The following PCDHA9 variants were observed in gnomAD, a reference collection of about 807,000 sequenced individuals.
PCDHA9 encodes protocadherin alpha 9.
A neutral mutation model predicts 62.0 loss-of-function variants in PCDHA9; 62 were observed. The ratio of observed to expected loss-of-function variants is 1.00; its 90% confidence interval spans 0.81 to 1.23. The LOEUF is 1.23. Among genes scored for constraint, PCDHA9 ranks in the 50% most tolerant of loss-of-function variants. The probability of loss-of-function intolerance (pLI) is 0.00; values close to 1 mark genes in which losing one functional copy is unlikely to be tolerated. For synonymous variants in PCDHA9, 557 were observed against 567.6 expected (o/e 0.98, Z 0.27); for missense variants, 1,205 against 1,249.8 (o/e 0.96, Z 0.54).
chr5:140,863,854 A>T (rs984993232), intron 1 of PCDHA9: 2 of 177,552 alleles, frequency 1.1e-5, no homozygotes, highest in Admixed American at 1.1e-4. Context: ...TAAAAAAATT[A>T]GCTGGGTGTG....
chr5:140,968,597 G>T, intron 1 of PCDHA9: 1 of 1,614,176 alleles, frequency 6.2e-7, no homozygotes, highest in Non-Finnish European at 8.5e-7. Context: ...CATAGCTATG[G>T]ACTCAGACTC....
At chr5:140,859,740 G>A (rs2045997689) in intron 1 of PCDHA9, 1 of 154,064 alleles carries the variant, frequency 6.5e-6, no homozygotes. Flanking sequence ...ATTTAAGCAT[G>A]GCATTCTTTC....
chr5:141,008,430 GC>G (rs1252417058), intron 3 of PCDHA9, among the ~76,000 whole-genome samples: 2 of 152,260 alleles, frequency 1.3e-5, no homozygotes, highest in African/African-American at 4.8e-5. Context: ...GGATCACTTT[GC>G]CCAGACAGAC....
Position 140,946,631 on chromosome 5 carries a change from T to TATATATATATATATATATATATATAC in PCDHA9, c.2395-32317_2395-32316insTATATATATATATATATATATATACA, listed in dbSNP as rs57893927. ...TGTGAAATATATATATATATATATA[T>TATATATATATATATATATATATATAC]ACAATGGAATACTCATCAGCCATTA... On this transcript the variant is annotated intron_variant, in intron 1 of 3. Coordinates refer to ENST00000532602, the MANE Select transcript of PCDHA9 (RefSeq NM_031857.2). 3.1e-3 allele frequency among the ~76,000 whole-genome samples: 414 copies of TATATATATATATATATATATATATAC among 131,704 alleles called. 27 individuals carry two copies. Among genetic ancestry groups the TATATATATATATATATATATATATAC allele is most frequent in the African/African-American group, 0.013 (382 of 28,586 alleles). 86.4% of individuals were successfully genotyped at this position (131,704 alleles called of 152,430 possible). A position where few individuals can be genotyped will look rare whatever the true frequency, so the allele number is the denominator to read the frequency against.
intron 1 of PCDHA9, chr5:140,853,431 T>A (rs115944296): frequency 0.015 from 15,010 of 985,262 alleles, 1,430 homozygotes; most frequent in Non-Finnish European, 0.017. Context: ...AGAGACACTT[T>A]CCTATTTTGC....
rs782810123 is a variant in PCDHA9, at chr5:140,876,271, T to C, written c.2394+25382T>C. 1.9e-6 allele frequency: 3 copies of C among 1,613,926 alleles called. No individual in the cohort carries two copies. In the African/African-American group the frequency reaches 4.0e-5, roughly 22 times the overall value. On this transcript the variant is annotated intron_variant, in intron 1 of 3. Coordinates refer to ENST00000532602, the MANE Select transcript of PCDHA9 (RefSeq NM_031857.2). ...CACAAGAGTGATCCAACTAAATGCTTCCGATCCAGACGAAGGACTTAATGG... is the reference window on the plus strand; with the variant it reads ...CACAAGAGTGATCCAACTAAATGCTCCCGATCCAGACGAAGGACTTAATGG...
chr5:140,856,518 C>T, intron 1 of PCDHA9: 1 of 1,598,510 alleles, frequency 6.3e-7, no homozygotes, highest in Non-Finnish European at 8.6e-7. Flanking sequence ...GAAGGCGCAT[C>T]TGATGCGGAT....
intron 1 of PCDHA9, chr5:140,877,223 C>G: frequency 6.2e-7 from 1 of 1,613,714 alleles, no homozygotes; most frequent in Non-Finnish European, 8.5e-7. Flanking sequence ...GTACCGCGGT[C>G]GGTGGGTGCG....
intron 1 of PCDHA9, among the ~76,000 whole-genome samples, chr5:140,934,664 T>G (rs1268113575): frequency 1.3e-5 from 2 of 152,176 alleles, no homozygotes; most frequent in Admixed American, 6.5e-5. Flanking sequence ...TCTTCCCCTT[T>G]GTTTAGCAGT....
intron 3 of PCDHA9, among the ~76,000 whole-genome samples, chr5:140,983,987 C>T (rs1372272659): frequency 6.6e-6 from 1 of 152,126 alleles, no homozygotes; most frequent in East Asian, 1.9e-4. Context: ...CGAGTTGAAG[C>T]AATTCATTAG....
Position 140,850,365 on chromosome 5 carries a change from G to T in PCDHA9, c.1870G>T (p.Val624Leu), listed in dbSNP as rs2150481125. 2.5e-6 allele frequency: 4 copies of T among 1,597,962 alleles called. No homozygotes were observed. Among genetic ancestry groups the T allele is most frequent in the Middle Eastern group, 1.7e-4 (1 of 5,948 alleles). ...ETASASIPFR[V>L]GLYTGEISTT... ...GGCCAGCGCGAGCATCCCGTTCCGC[G>T]TGGGGCTGTACACGGGCGAGATCAG... Residue 624 changes from valine to leucine, a missense_variant, in exon 1 of 4, where the codon GTG becomes TTG. By Grantham distance (32) the Val-to-Leu change is conservative. Coordinates refer to ENST00000532602, the MANE Select transcript of PCDHA9 (RefSeq NM_031857.2).
chr5:140,850,004 G>C lies in PCDHA9; in HGVS notation c.1509G>C (p.Ser503=). Residue 503 remains serine (S), a synonymous_variant, in exon 1 of 4, where the codon TCG becomes TCC. Transcript: ENST00000532602. The part of the protein sequence containing the change: ...SLVERRLGER[S]LSSYVSVHAE... Reference sequence around the variant, plus strand: ...TGGAGCGGCGGTTGGGCGAGCGCTCGCTGTCGAGCTACGTGTCAGTGCACG... The same window carrying C: ...TGGAGCGGCGGTTGGGCGAGCGCTCCCTGTCGAGCTACGTGTCAGTGCACG... 3 of 1,596,990 alleles carry C rather than the reference G, an allele frequency of 1.9e-6. 1 individual carries two copies. Among genetic ancestry groups the C allele is most frequent in the Non-Finnish European group, 2.6e-6 (3 of 1,167,858 alleles).
At chr5:140,996,622 G>C (rs2097735162) in intron 3 of PCDHA9, among the ~76,000 whole-genome samples, 1 of 152,156 alleles carries the variant, frequency 6.6e-6, no homozygotes, top group African/African-American at 2.4e-5. Context: ...AATTTCACTG[G>C]TTCCTGCAAA....
intron 1 of PCDHA9, among the ~76,000 whole-genome samples, chr5:140,917,003 A>C (rs2077823052): frequency 6.6e-6 from 1 of 151,818 alleles, no homozygotes; most frequent in Non-Finnish European, 1.5e-5. Flanking sequence ...CTGTTCCAAA[A>C]TCTCCCTTCA....
chr5:140,942,769 T>A (rs1554215212), intron 1 of PCDHA9, among the ~76,000 whole-genome samples: 1 of 152,202 alleles, frequency 6.6e-6, no homozygotes, highest in Non-Finnish European at 1.5e-5. Flanking sequence ...GCATAATGTA[T>A]TTTTAGGCAG....
chr5:140,977,429 C>T (rs143756065), intron 1 of PCDHA9, among the ~76,000 whole-genome samples: 9 of 152,228 alleles, frequency 5.9e-5, no homozygotes, highest in South Asian at 2.1e-4. Context: ...CCTCTAACAC[C>T]GCTAGTAGAT....
intron 1 of PCDHA9, chr5:140,877,314 G>C (rs2057020187): frequency 6.2e-7 from 1 of 1,613,972 alleles, no homozygotes; most frequent in Non-Finnish European, 8.5e-7. Flanking sequence ...TGCAACCGGC[G>C]GCGGTCGGCG....
intron 1 of PCDHA9, among the ~76,000 whole-genome samples, chr5:140,903,300 T>C (rs1368072567): frequency 6.6e-6 from 1 of 152,184 alleles, no homozygotes; most frequent in Non-Finnish European, 1.5e-5. Context: ...GGAAATTTAG[T>C]ATACAATAAA....
chr5:140,961,648 G>A (rs367674015), intron 1 of PCDHA9, among the ~76,000 whole-genome samples: 1 of 152,156 alleles, frequency 6.6e-6, no homozygotes, highest in African/African-American at 2.4e-5. Flanking sequence ...AGTCTATGTG[G>A]TTAGTTTGAA....
Sources: gnomAD v4.1 joint callset for allele counts (sites outside exome capture counted in the v4.1 genomes callset) on GRCh38, gnomAD v4.1.1 for gene constraint, MANE v1.5 for transcripts, NCBI Gene and HGNC (gene_info 2026-07-23, HGNC 2026-07-21) for gene names.